UGT8: variants seen among roughly 807,000 people sequenced by gnomAD.
UGT8 encodes the protein 2-hydroxyacylsphingosine 1-beta-galactosyltransferase.
UGT8 carries 12 observed loss-of-function variants against 40.5 expected under a neutral mutation model. The ratio of observed to expected loss-of-function variants is 0.30; its 90% confidence interval spans 0.19 to 0.48. The LOEUF is 0.48. Ranked by LOEUF, UGT8 falls within the 20% of genes least tolerant of loss-of-function variation. The pLI is 0.99. For synonymous variants in UGT8, 224 were observed against 240.4 expected (o/e 0.93, Z 0.63); for missense variants, 513 against 648.7 (o/e 0.79, Z 2.27).
Position 114,665,677 on chromosome 4 carries a change from T to C in UGT8, c.966-3T>C, listed in dbSNP as rs1486035630. ...AAGACTAATTGTCTGGTGTACATTTTAGGTTTTCTGGACCCAAACCAAAGA... is the reference window on the plus strand; with the variant it reads ...AAGACTAATTGTCTGGTGTACATTTCAGGTTTTCTGGACCCAAACCAAAGA... On this transcript the variant is annotated splice_region_variant and splice_polypyrimidine_tract_variant and intron_variant, in intron 3 of 5. Coordinates refer to ENST00000310836, the MANE Select transcript of UGT8 (RefSeq NM_001128174.3). 6.2e-7 allele frequency: 1 copy of C among 1,604,066 alleles called. No individual in the cohort carries two copies. Among genetic ancestry groups the C allele is most frequent in the Non-Finnish European group, 8.5e-7 (1 of 1,176,270 alleles).
chr4:114,617,356 C>T lies in UGT8; in HGVS notation c.-2-5523C>T, dbSNP rs549026693. Among the ~76,000 whole-genome samples the T allele has an allele frequency of 1.9e-3, 288 of 152,292 alleles. 1 individual carries two copies. Among genetic ancestry groups the T allele is most frequent in the African/African-American group, 6.5e-3 (269 of 41,566 alleles). ...CCAATATCCTGATATCTTACTGTTT[C>T]ACCCAAATTAATTCACACTGAAATG... On this transcript the variant is annotated intron_variant, in intron 1 of 5. Coordinates refer to ENST00000310836, the MANE Select transcript of UGT8 (RefSeq NM_001128174.3).
intron 2 of UGT8, among the ~76,000 whole-genome samples, chr4:114,628,571 G>C (rs1732385146): frequency 6.6e-6 from 1 of 151,554 alleles, no homozygotes; most frequent in African/African-American, 2.4e-5. Context: ...CATATAAACA[G>C]GGGCAGTGCT....
intron 1 of UGT8, among the ~76,000 whole-genome samples, chr4:114,618,086 G>C (rs1731553061): frequency 6.6e-6 from 1 of 151,592 alleles, no homozygotes; most frequent in African/African-American, 2.4e-5. Context: ...GATCTTCTTA[G>C]TGTTATGTTA....
chr4:114,601,573 G>A (rs978077738), intron 1 of UGT8, among the ~76,000 whole-genome samples: 8 of 148,758 alleles, frequency 5.4e-5, no homozygotes, highest in Non-Finnish European at 9.0e-5. Flanking sequence ...TCTTCACACC[G>A]TTTATTACTG....
Position 114,677,196 on chromosome 4 carries a change from A to T in UGT8, c.*908A>T, listed in dbSNP as rs1443141575. The stretch of plus-strand genomic sequence containing the variant: ...GGGCATTTTTAAACAGCACCATTGT[A>T]TTGTTGAATGTTTATGTAACTGATG... On this transcript the variant is annotated 3_prime_UTR_variant, in exon 6 of 6. Coordinates refer to ENST00000310836, the MANE Select transcript of UGT8 (RefSeq NM_001128174.3). The T allele has an allele frequency of 2.0e-5, 3 of 152,178 alleles. No individual in the cohort carries two copies. The highest frequency in any genetic ancestry group is 4.4e-5 in the Non-Finnish European group (3 of 68,010). The allele number at this position is 152,178 out of a possible 1,614,324, so 9.4% of individuals were successfully genotyped here.
chr4:114,612,081 A>T (rs938391590), intron 1 of UGT8, among the ~76,000 whole-genome samples: 2 of 152,172 alleles, frequency 1.3e-5, no homozygotes, highest in African/African-American at 4.8e-5. Flanking sequence ...ACAAAAGAAA[A>T]ATTTAGTTTA....
At chr4:114,657,183 A>G (rs181355232) in intron 2 of UGT8, among the ~76,000 whole-genome samples, 89 of 151,842 alleles carry the variant, frequency 5.9e-4, no homozygotes, top group South Asian at 1.5e-3. Flanking sequence ...CCATCATCAT[A>G]TCCTCGGGAT....
intron 2 of UGT8, among the ~76,000 whole-genome samples, chr4:114,659,876 A>G (rs1402368357): frequency 6.6e-6 from 1 of 152,242 alleles, no homozygotes; most frequent in East Asian, 1.9e-4. Flanking sequence ...TGGTATTGGC[A>G]CAGAGATGGA....
intron 2 of UGT8, among the ~76,000 whole-genome samples, chr4:114,641,609 T>C (rs1031475241): frequency 1.9e-4 from 29 of 152,214 alleles, no homozygotes; most frequent in Non-Finnish European, 2.6e-4. Context: ...TGAAGACCTC[T>C]AATCTATTGA....
chr4:114,624,786 C>T (rs1019418308), intron 2 of UGT8, among the ~76,000 whole-genome samples: 14 of 151,852 alleles, frequency 9.2e-5, no homozygotes. Context: ...AATAATATAT[C>T]GATATATTTC....
intron 2 of UGT8, among the ~76,000 whole-genome samples, chr4:114,649,288 T>TG (rs1733761270): frequency 6.6e-6 from 1 of 152,336 alleles, no homozygotes; most frequent in African/African-American, 2.4e-5. Context: ...ATTTGAGTGA[T>TG]ACTGGCCTAG....
At chr4:114,667,462 A>T (rs1307692166) in intron 4 of UGT8, among the ~76,000 whole-genome samples, 5 of 152,198 alleles carry the variant, frequency 3.3e-5, no homozygotes, top group Non-Finnish European at 4.4e-5. Flanking sequence ...TCCCATAACA[A>T]CTAAATGTTA....
At chr4:114,675,394 C>T (rs1043918872) in intron 5 of UGT8, among the ~76,000 whole-genome samples, 1 of 152,100 alleles carries the variant, frequency 6.6e-6, no homozygotes, top group East Asian at 1.9e-4. Context: ...AGTTAGTCTC[C>T]GATTTTCATT....
chr4:114,622,745 A>C, intron 1 of UGT8, 134 bp from the exon 2 acceptor site: 1 of 732,928 alleles, frequency 1.4e-6, no homozygotes, highest in Admixed American at 4.2e-5. Flanking sequence ...TCTTTTGAGA[A>C]GTGTCTGTTC....
intron 2 of UGT8, among the ~76,000 whole-genome samples, chr4:114,645,979 A>G (rs1453827472): frequency 6.6e-6 from 1 of 152,224 alleles, no homozygotes; most frequent in Non-Finnish European, 1.5e-5. Flanking sequence ...GATGTAAGCA[A>G]TTAAATAGAT....
chr4:114,605,925 T>A (rs1312695221), intron 1 of UGT8, among the ~76,000 whole-genome samples: 1 of 152,202 alleles, frequency 6.6e-6, no homozygotes, highest in Non-Finnish European at 1.5e-5. Context: ...AAATTGTGGT[T>A]AGTGACATTA....
At chr4:114,615,736 T>C (rs1019680033) in intron 1 of UGT8, among the ~76,000 whole-genome samples, 1 of 152,174 alleles carries the variant, frequency 6.6e-6, no homozygotes, top group South Asian at 2.1e-4. Context: ...CATTAGAAAT[T>C]GCACATAGCA....
intron 4 of UGT8, chr4:114,667,764 ATTTCT>A: frequency 2.1e-6 from 1 of 474,290 alleles, no homozygotes; most frequent in Middle Eastern, 1.0e-3. Flanking sequence ...ATTGTTTGGC[ATTTCT>A]TGCTTTCATT....
intron 2 of UGT8, among the ~76,000 whole-genome samples, chr4:114,630,262 A>G (rs1014739283): frequency 2.0e-5 from 3 of 152,194 alleles, no homozygotes; most frequent in African/African-American, 4.8e-5. Context: ...ATGGAAAAAC[A>G]GGGGCTTTTT....
Sources: allele counts gnomAD v4.1 joint callset (sites outside exome capture counted in the v4.1 genomes callset), GRCh38; gene constraint gnomAD v4.1.1; transcripts MANE v1.5; gene names NCBI Gene and HGNC (gene_info 2026-07-23, HGNC 2026-07-21).